STK38: variants seen among roughly 807,000 people sequenced by gnomAD.
The protein encoded by STK38 is serine/threonine kinase 38.
In STK38, 26 loss-of-function variants were observed where a neutral mutation model predicts 59.0. The ratio of observed to expected loss-of-function variants is 0.44; its 90% confidence interval spans 0.32 to 0.61. The LOEUF is 0.61. Among genes scored for constraint, STK38 ranks in the 20% least tolerant of loss-of-function variants. STK38 has a pLI of 0.04. For missense variants in STK38, 433 were observed against 566.0 expected, an observed-to-expected ratio of 0.76 and a Z score of 2.38; for synonymous variants, 175 against 176.6, an observed-to-expected ratio of 0.99 and a Z score of 0.07.
intron 2 of STK38, among the ~76,000 whole-genome samples, chr6:36,526,828 A>G (rs1347708090): frequency 6.6e-6 from 1 of 151,990 alleles, no homozygotes; most frequent in Non-Finnish European, 1.5e-5. Flanking sequence ...CAGGAGGTGG[A>G]GGCTGCAGTG....
At chr6:36,522,855 C>CAAAAAAAAA (rs1200049731) in intron 4 of STK38, among the ~76,000 whole-genome samples, 1 of 66,552 alleles carries the variant, frequency 1.5e-5, no homozygotes, top group Non-Finnish European at 3.3e-5. Context: ...GACTCTGTCT[C>CAAAAAAAAA]AAAAAAAAAA....
chr6:36,540,887 C>A (rs1014723423), intron 1 of STK38, among the ~76,000 whole-genome samples: 1 of 149,924 alleles, frequency 6.7e-6, no homozygotes, highest in African/African-American at 2.5e-5. Context: ...ACAAATATAT[C>A]TTTATTTATT....
chr6:36,515,334 A>T lies in STK38; in HGVS notation c.669+4T>A, dbSNP rs201073929. ...CATAGTTCATGCCAATGCCCCCCCA[A>T]TACCTTGCTGTCCAAAAGAAGGTTG... is the stretch of plus-strand genomic sequence containing the variant. On this transcript the variant is annotated splice_donor_region_variant and intron_variant, in intron 7 of 13. Transcript: ENST00000229812. 3.7e-6 allele frequency: 6 copies of T among 1,613,668 alleles called. No individual in the cohort carries two copies. Among genetic ancestry groups the T allele is most frequent in the Non-Finnish European group, 5.1e-6 (6 of 1,179,834 alleles).
chr6:36,515,992 C>CA (rs1777243073), intron 6 of STK38, among the ~76,000 whole-genome samples: 1 of 151,860 alleles, frequency 6.6e-6, no homozygotes, highest in African/African-American at 2.4e-5. Context: ...TCACAGAACA[C>CA]AAACAAATAA....
chr6:36,499,514 G>C (rs1257282179), intron 10 of STK38, among the ~76,000 whole-genome samples: 4 of 152,192 alleles, frequency 2.6e-5, no homozygotes, highest in African/African-American at 9.7e-5. Context: ...TGAAGGCTTT[G>C]ACAGAGGAAG....
At chr6:36,514,600 A>G (rs1274625191) in intron 7 of STK38, among the ~76,000 whole-genome samples, 1 of 152,170 alleles carries the variant, frequency 6.6e-6, no homozygotes, top group East Asian at 1.9e-4. Flanking sequence ...AGTTGGCAGC[A>G]CAGGGATTAT....
At chr6:36,500,095 G>C (rs1776801739) in intron 9 of STK38, 105 bp from the exon 10 acceptor site, 1 of 839,880 alleles carries the variant, frequency 1.2e-6, no homozygotes, top group Admixed American at 1.8e-5. Context: ...CTACCCCCAA[G>C]CTAAATAAGC....
intron 6 of STK38, 78 bp from the exon 7 acceptor site, chr6:36,515,570 T>C: frequency 6.3e-7 from 1 of 1,576,836 alleles, no homozygotes; most frequent in Non-Finnish European, 8.6e-7. Flanking sequence ...TACGAGTGAG[T>C]ACCAATTTTC....
At chr6:36,528,911 C>T (rs1777601560) in intron 2 of STK38, among the ~76,000 whole-genome samples, 1 of 152,180 alleles carries the variant, frequency 6.6e-6, no homozygotes, top group Non-Finnish European at 1.5e-5. Flanking sequence ...AGGTTTTCCA[C>T]AGGTTTACTG....
intron 4 of STK38, 76 bp from the exon 5 acceptor site, chr6:36,521,893 A>G: frequency 8.7e-7 from 1 of 1,150,056 alleles, no homozygotes; most frequent in Non-Finnish European, 1.3e-6. Flanking sequence ...TATAGGATGC[A>G]ATAATTAACT....
At chr6:36,511,678 T>G (rs1777113196) in intron 7 of STK38, among the ~76,000 whole-genome samples, 1 of 152,020 alleles carries the variant, frequency 6.6e-6, no homozygotes, top group South Asian at 2.1e-4. Flanking sequence ...TTTGCAGATT[T>G]GCAAGTAACT....
intron 2 of STK38, among the ~76,000 whole-genome samples, chr6:36,527,366 TACAC>T (rs60339207): frequency 0.027 from 3,939 of 145,628 alleles, 186 homozygotes; most frequent in African/African-American, 0.092. Context: ...TATATATTAG[TACAC>T]ACACACACAC....
chr6:36,508,550 T>C (rs1777023554), intron 7 of STK38, among the ~76,000 whole-genome samples: 1 of 152,260 alleles, frequency 6.6e-6, no homozygotes, highest in Non-Finnish European at 1.5e-5. Flanking sequence ...ATAAATATTA[T>C]TGGATAGTCC....
intron 9 of STK38, among the ~76,000 whole-genome samples, chr6:36,503,382 C>T (rs773650728): frequency 1.3e-5 from 2 of 151,790 alleles, no homozygotes; most frequent in Non-Finnish European, 2.9e-5. Context: ...CTAGAATTGA[C>T]TTTTGCATAT....
intron 2 of STK38, among the ~76,000 whole-genome samples, chr6:36,530,585 G>A (rs1029876428): frequency 2.0e-5 from 3 of 151,808 alleles, no homozygotes; most frequent in Non-Finnish European, 4.4e-5. Flanking sequence ...GTCTGGTCTC[G>A]AACTCCTGAC....
At chr6:36,527,207 A>AAAAAAAAAAAAAAAATATATAT (rs60162863) in intron 2 of STK38, among the ~76,000 whole-genome samples, 3 of 119,352 alleles carry the variant, frequency 2.5e-5, no homozygotes, top group African/African-American at 1.0e-4. Context: ...AAAAAAAAAA[A>AAAAAAAAAAAAAAAATATATAT]ATATATGTAT....
At chr6:36,517,626 TTTAA>T in intron 6 of STK38, 87 bp downstream of exon 6, 1 of 1,524,188 alleles carries the variant, frequency 6.6e-7, no homozygotes, top group African/African-American at 1.4e-5. Context: ...TGTGAGCACA[TTTAA>T]AAGTAGAAAG....
intron 2 of STK38, among the ~76,000 whole-genome samples, chr6:36,532,547 G>A (rs149997682): frequency 7.8e-4 from 118 of 152,064 alleles, no homozygotes; most frequent in African/African-American, 2.6e-3. Flanking sequence ...AGGCCAAGGC[G>A]GGTGGATCAC....
rs1777482762 is a variant in STK38 at position 36,525,245 on chromosome 6, TA to T, written c.183+345del. 3.3e-5 allele frequency among the ~76,000 whole-genome samples: 5 copies of T among 152,286 alleles called. No individual in the cohort carries two copies. The South Asian group carries it at 1.0e-3, about 32-fold the overall frequency. ...TGTATCCCAGAAAAAGTAAAATAAA[TA>T]AATATTTCAAAAATTTGCCCTACTC... On this transcript the variant is annotated intron_variant, in intron 3 of 13. Coordinates refer to ENST00000229812, the MANE Select transcript of STK38 (RefSeq NM_007271.4).
Sources: allele counts gnomAD v4.1 joint callset (sites outside exome capture counted in the v4.1 genomes callset), GRCh38; gene constraint gnomAD v4.1.1; transcripts MANE v1.5; gene names NCBI Gene and HGNC (gene_info 2026-07-23, HGNC 2026-07-21).